The following ABCA9 variants were observed in gnomAD, a reference collection of about 807,000 sequenced individuals.
ABCA9 encodes ATP binding cassette subfamily A member 9.
In ABCA9, 183 loss-of-function variants were observed where a neutral mutation model predicts 205.3. The observed-to-expected ratio is 0.89, with a 90% CI of 0.79 to 1.01. The LOEUF (loss-of-function observed/expected upper bound fraction) is 1.01. ABCA9 is among the 50% of genes least tolerant of loss of function. ABCA9 has a pLI of 0.00. For synonymous variants in ABCA9, 651 were observed against 683.3 expected (o/e 0.95, Z 0.74); for missense variants, 1,805 against 1,912.4 (o/e 0.94, Z 1.05).
intron 10 of ABCA9, among the ~76,000 whole-genome samples, chr17:69,029,460 T>C (rs1460607876): frequency 6.6e-6 from 1 of 152,064 alleles, no homozygotes; most frequent in Non-Finnish European, 1.5e-5. Context: ...GGCTAAAATA[T>C]GGAGGGCACA....
chr17:69,064,569 C>T (rs1391389034), upstream of ABCA9, among the ~76,000 whole-genome samples: 1 of 152,158 alleles, frequency 6.6e-6, no homozygotes, highest in Non-Finnish European at 1.5e-5. Flanking sequence ...CCAGAGGACA[C>T]AATAGTATCT....
At chr17:69,041,209 C>G (rs2071521915) in intron 6 of ABCA9, among the ~76,000 whole-genome samples, 1 of 152,100 alleles carries the variant, frequency 6.6e-6, no homozygotes, top group African/African-American at 2.4e-5. Flanking sequence ...ACTCCCTTTG[C>G]ACAGTACACT....
Position 68,975,799 on chromosome 17 carries a change from T to C in ABCA9, c.*116A>G. 2 of 780,506 alleles carry C rather than the reference T, an allele frequency of 2.6e-6. No homozygotes were observed. The highest frequency in any genetic ancestry group is 1.7e-5 in the South Asian group (1 of 58,446). The allele number at this position is 780,506 out of a possible 1,614,324, so 48.3% of individuals were successfully genotyped here. On this transcript the variant is annotated 3_prime_UTR_variant, in exon 39 of 39. Transcript: ENST00000340001. ...TAAGAAATACTACTGAGGATAATTA[T>C]TGCATGAGTTTCAAATGCATTTTGT...
At chr17:68,989,662 TATC>T (rs1460363315) in intron 30 of ABCA9, 148 bp downstream of exon 30, 3 of 549,870 alleles carry the variant, frequency 5.5e-6, no homozygotes, top group Admixed American at 7.2e-5. Flanking sequence ...AAAAGGTCGT[TATC>T]ATTTCAACTG....
rs945393088 is a variant in ABCA9, at chr17:68,981,656, A to G, written c.4720+906T>C. Among the ~76,000 whole-genome samples, 5 of 151,980 alleles carry G rather than the reference A, an allele frequency of 3.3e-5. No homozygotes were observed. In the South Asian group the frequency reaches 1.0e-3, roughly 32 times the overall value. On this transcript the variant is annotated intron_variant, in intron 37 of 38. Transcript: ENST00000340001. The stretch of plus-strand genomic sequence containing the variant: ...AGCTAGGATGACCATCCTGGCCAAC[A>G]TGTTGAAACTCTGTCTCTACTAAAA...
At chr17:68,992,898 T>TGCATGCATGTGCATGTGTG in intron 27 of ABCA9, 118 bp downstream of exon 27, 14 of 726,176 alleles carry the variant, frequency 1.9e-5, no homozygotes, top group African/African-American at 6.3e-5. Flanking sequence ...CATGTGTGTG[T>TGCATGCATGTGCATGTGTG]TGCTTCAAAT....
In ABCA9 at chr17:68,995,828, C is replaced by A. The variant is rs542614923; in HGVS notation, c.3555+67G>T. The A allele has an allele frequency of 4.4e-6, 7 of 1,581,532 alleles. 1 individual carries two copies. Among genetic ancestry groups the A allele is most frequent in the South Asian group, 3.4e-5 (3 of 88,444 alleles). ...GCTGAGGACTCTATCTATATTTTTG[C>A]AATATTCATGGCTTTCTCAAATGAC... On this transcript the variant is annotated intron_variant, in intron 26 of 38. Transcript: ENST00000340001.
At position 69,035,247 on chromosome 17, in the gene ABCA9, T is replaced by A. The variant is rs1266380684; in HGVS notation, c.1127A>T (p.Gln376Leu). 2.6e-6 allele frequency: 4 copies of A among 1,565,686 alleles called. No homozygotes were observed. The highest frequency in any genetic ancestry group is 3.5e-6 in the Non-Finnish European group (4 of 1,159,334). The change falls in exon 8 of 39, where the codon CAG (glutamine) becomes CTG (leucine). Residue 376 changes from glutamine (Q) to leucine (L), a missense_variant and splice_region_variant. Transcript: ENST00000340001. ...TGAAAGTGTTACCTTAACTCTTACC[T>A]GGGCCATCCCAACAGTGAAGGCAAA... Reference protein sequence around the residue: ...SPFAFTVGMAQLIHLDYDVNS... With the variant: ...SPFAFTVGMALLIHLDYDVNS...
the ABCA9 span, among the ~76,000 whole-genome samples, chr17:69,070,163 C>G: frequency 2.0e-5 from 3 of 151,772 alleles, no homozygotes; most frequent in African/African-American, 7.3e-5. Context: ...TCTTCAGATA[C>G]AATTATATCT....
chr17:69,018,892 T>C (rs1273707770), intron 19 of ABCA9, among the ~76,000 whole-genome samples: 4 of 152,062 alleles, frequency 2.6e-5, no homozygotes, highest in Non-Finnish European at 5.9e-5. Context: ...CATTTCTTTC[T>C]TTTTCTGCAC....
upstream of ABCA9, among the ~76,000 whole-genome samples, chr17:69,065,943 T>C (rs1598428250): frequency 6.6e-6 from 1 of 152,202 alleles, no homozygotes. Context: ...TTCTCTTTCC[T>C]GCCACCCTGT....
chr17:69,012,876 C>G (rs946479827), intron 22 of ABCA9, among the ~76,000 whole-genome samples: 4 of 152,070 alleles, frequency 2.6e-5, no homozygotes, highest in Non-Finnish European at 4.4e-5. Context: ...CATTCCCACT[C>G]CCTTTCCCAG....
intron 6 of ABCA9, chr17:69,042,178 CTA>C (rs5821699): frequency 0.46 from 70,122 of 151,860 alleles, 19,145 homozygotes; most frequent in Non-Finnish European, 0.61. Flanking sequence ...TAACTTGCCT[CTA>C]CTGTCATCTC....
intron 2 of ABCA9, 46 bp downstream of exon 2, chr17:69,050,985 C>CT: frequency 6.4e-7 from 1 of 1,556,674 alleles, no homozygotes; most frequent in East Asian, 2.3e-5. Context: ...TGATAAAATA[C>CT]TTTTTCATCC....
At chr17:69,029,486 A>G (rs2144352768) in intron 10 of ABCA9, among the ~76,000 whole-genome samples, 1 of 152,342 alleles carries the variant, frequency 6.6e-6, no homozygotes, top group East Asian at 1.9e-4. Context: ...GCACACGGAA[A>G]TATATTGTTA....
At chr17:69,001,159 G>C (rs2069851802) in intron 25 of ABCA9, among the ~76,000 whole-genome samples, 1 of 151,342 alleles carries the variant, frequency 6.6e-6, no homozygotes, top group Non-Finnish European at 1.5e-5. Context: ...ACACTATGTT[G>C]AATAGGAGTG....
chr17:68,979,022 G>A (rs1165309240), intron 37 of ABCA9, among the ~76,000 whole-genome samples: 1 of 152,050 alleles, frequency 6.6e-6, no homozygotes, highest in African/African-American at 2.4e-5. Flanking sequence ...TGACATGATT[G>A]TATATCTAGA....
chr17:69,040,153 C>A (rs2071484868), intron 6 of ABCA9, among the ~76,000 whole-genome samples: 1 of 152,152 alleles, frequency 6.6e-6, no homozygotes. Flanking sequence ...TGTGGCAATT[C>A]CTCAAGGATC....
chr17:68,983,582 T>G (rs549780054), intron 36 of ABCA9, 127 bp downstream of exon 36: 1 of 1,327,800 alleles, frequency 7.5e-7, no homozygotes, highest in Non-Finnish European at 1.0e-6. Flanking sequence ...TGAATTTCTC[T>G]TAAGTAAAGT....
Sources: allele counts gnomAD v4.1 joint callset (sites outside exome capture counted in the v4.1 genomes callset), GRCh38; gene constraint gnomAD v4.1.1; transcripts MANE v1.5; gene names NCBI Gene and HGNC (gene_info 2026-07-23, HGNC 2026-07-21).